The following ST7 variants were observed in gnomAD, a reference collection of about 807,000 sequenced individuals.
The protein encoded by ST7 is suppressor of tumorigenicity 7 protein.
A neutral mutation model predicts 78.7 loss-of-function variants in ST7; 28 were observed. The ratio of observed to expected loss-of-function variants is 0.36; its 90% confidence interval spans 0.26 to 0.49. The LOEUF is 0.49. Among genes scored for constraint, ST7 ranks in the 20% least tolerant of loss-of-function variants. ST7 has a pLI of 0.99. For missense variants in ST7, 418 were observed against 696.0 expected, an observed-to-expected ratio of 0.60 and a Z score of 4.49; for synonymous variants, 247 against 249.6, an observed-to-expected ratio of 0.99 and a Z score of 0.10.
intron 1 of ST7, among the ~76,000 whole-genome samples, chr7:117,058,705 T>C (rs1191049489): frequency 6.6e-6 from 1 of 152,194 alleles, no homozygotes; most frequent in African/African-American, 2.4e-5. Context: ...ACAACTACTG[T>C]GTGATGGTAT....
chr7:117,017,526 A>T (rs1795671045), intron 1 of ST7, among the ~76,000 whole-genome samples: 1 of 152,178 alleles, frequency 6.6e-6, no homozygotes, highest in South Asian at 2.1e-4. Flanking sequence ...AATTAACAGC[A>T]CTGTCTTTAC....
intron 6 of ST7, among the ~76,000 whole-genome samples, chr7:117,132,705 G>A (rs879608749): frequency 7.3e-5 from 11 of 151,566 alleles, no homozygotes; most frequent in Non-Finnish European, 1.2e-4. Context: ...TGTCGTGAGA[G>A]TTGAAAATCC....
chr7:117,128,074 C>G (rs1377664075), intron 3 of ST7, among the ~76,000 whole-genome samples: 1 of 151,816 alleles, frequency 6.6e-6, no homozygotes, highest in African/African-American at 2.4e-5. Flanking sequence ...AGCATCTCCC[C>G]AAATGTCCTT....
At chr7:116,969,479 A>G (rs1000963947) in intron 1 of ST7, among the ~76,000 whole-genome samples, 2 of 152,190 alleles carry the variant, frequency 1.3e-5, no homozygotes, top group Non-Finnish European at 2.9e-5. Flanking sequence ...CATAATACCA[A>G]CTTATCACTG....
chr7:117,140,520 G>A lies in ST7; in HGVS notation c.963+1988G>A, dbSNP rs200017635. Among the ~76,000 whole-genome samples, 14 of 151,914 alleles carry A rather than the reference G, an allele frequency of 9.2e-5. No individual in the cohort carries two copies. In the East Asian group the frequency reaches 2.1e-3, roughly 23 times the overall value. On this transcript the variant is annotated intron_variant, in intron 9 of 15. Transcript: ENST00000323984. ...ACAATTTTTTTTCCGATTTTTCTCC[G>A]TTATATAAATATGCCATCATTTGCT...
chr7:117,193,906 AAGAT>A (rs1294149499), intron 12 of ST7, among the ~76,000 whole-genome samples: 4 of 152,336 alleles, frequency 2.6e-5, no homozygotes, highest in Non-Finnish European at 4.4e-5. Context: ...CCATTAAGCA[AAGAT>A]AGATAGGTAG....
chr7:117,155,298 T>C (rs1806601246), intron 9 of ST7, among the ~76,000 whole-genome samples: 1 of 152,132 alleles, frequency 6.6e-6, no homozygotes, highest in South Asian at 2.1e-4. Context: ...CAGAATGAGA[T>C]GAATTTGAAA....
chr7:117,131,014 A>G (rs1804303278), intron 5 of ST7, among the ~76,000 whole-genome samples: 1 of 151,758 alleles, frequency 6.6e-6, no homozygotes. Context: ...TTGCCTATTT[A>G]TAGGTTAACT....
intron 1 of ST7, among the ~76,000 whole-genome samples, chr7:117,097,900 ATATATATATTTTTTTT>A (rs1425809945): frequency 3.6e-5 from 1 of 28,158 alleles, no homozygotes; most frequent in Non-Finnish European, 6.6e-5. Context: ...ATATATATAT[ATATATATATTTTTTTT>A]TTTTTTTTTT....
chr7:117,144,814 G>T (rs1227439992), intron 9 of ST7, among the ~76,000 whole-genome samples: 1 of 152,094 alleles, frequency 6.6e-6, no homozygotes. Context: ...AGTATTATAT[G>T]TGCTACTTGT....
intron 9 of ST7, among the ~76,000 whole-genome samples, chr7:117,165,741 A>G (rs1352642818): frequency 6.6e-6 from 1 of 152,152 alleles, no homozygotes; most frequent in Non-Finnish European, 1.5e-5. Flanking sequence ...TAACCAGCAG[A>G]TGAAGGTAAG....
chr7:117,151,753 T>A (rs1405861078), intron 9 of ST7, among the ~76,000 whole-genome samples: 1 of 152,118 alleles, frequency 6.6e-6, no homozygotes, highest in African/African-American at 2.4e-5. Flanking sequence ...TGAATGCCTG[T>A]ATGGGGAGTA....
intron 10 of ST7, among the ~76,000 whole-genome samples, chr7:117,178,231 T>G (rs1356419747): frequency 6.6e-6 from 1 of 152,236 alleles, no homozygotes; most frequent in Non-Finnish European, 1.5e-5. Flanking sequence ...GTCCTTATTA[T>G]GTTGAAGTAC....
intron 1 of ST7, chr7:116,967,378 C>A (rs1431263736): frequency 2.1e-6 from 1 of 471,250 alleles, no homozygotes. Context: ...GTGCTTAGGA[C>A]TGCTGTCCCC....
intron 1 of ST7, among the ~76,000 whole-genome samples, chr7:117,029,259 G>C (rs1387282951): frequency 6.6e-6 from 1 of 152,068 alleles, no homozygotes; most frequent in Non-Finnish European, 1.5e-5. Context: ...CCAACATTTA[G>C]TATTGTCAGT....
intron 1 of ST7, among the ~76,000 whole-genome samples, chr7:116,955,338 C>G (rs1792404866): frequency 6.6e-6 from 1 of 152,142 alleles, no homozygotes; most frequent in Admixed American, 6.5e-5. Context: ...GTTCAGGAGT[C>G]AGGGAAGTCT....
chr7:117,161,213 G>A (rs1807116652), intron 9 of ST7, among the ~76,000 whole-genome samples: 1 of 151,362 alleles, frequency 6.6e-6, no homozygotes, highest in Admixed American at 6.6e-5. Context: ...AACAAATCAA[G>A]GTCTGATGAA....
In ST7 at chr7:117,100,737, T is replaced by G. The variant is rs184898769; in HGVS notation, c.234+893T>G. On this transcript the variant is annotated intron_variant, in intron 2 of 15. Coordinates refer to ENST00000323984, the MANE Select transcript of ST7 (RefSeq NM_001369598.1). ...ATCTTTGTAACAGTTGCAGGTGTGCTAAATGGTAACACTTGAAGTAGTTAA... is the reference window on the plus strand; with the variant it reads ...ATCTTTGTAACAGTTGCAGGTGTGCGAAATGGTAACACTTGAAGTAGTTAA... Among the ~76,000 whole-genome samples the G allele has an allele frequency of 8.5e-5, 13 of 152,304 alleles. No individual in the cohort carries two copies. The East Asian group carries it at 2.5e-3, about 29-fold the overall frequency.
chr7:117,211,086 T>C (rs1792250474), intron 13 of ST7, among the ~76,000 whole-genome samples: 2 of 151,896 alleles, frequency 1.3e-5, no homozygotes, highest in African/African-American at 4.8e-5. Context: ...GGAAGGGAGG[T>C]TGGGGGAGCA....
Sources: allele counts gnomAD v4.1 joint callset (sites outside exome capture counted in the v4.1 genomes callset), GRCh38; gene constraint gnomAD v4.1.1; transcripts MANE v1.5; gene names NCBI Gene and HGNC (gene_info 2026-07-23, HGNC 2026-07-21).